ZNF221: variants seen among roughly 807,000 people sequenced by gnomAD.
ZNF221 encodes the protein zinc finger protein 221.
In ZNF221, 10 loss-of-function variants were observed where a neutral mutation model predicts 12.6. That is an observed-to-expected ratio of 0.79 (90% CI 0.49 to 1.34). The LOEUF is 1.34. Ranked by LOEUF, ZNF221 falls within the 40% of genes most tolerant of loss-of-function variation. The pLI is 0.00. For synonymous variants in ZNF221, 232 were observed against 244.0 expected, an observed-to-expected ratio of 0.95 and a Z score of 0.46; for missense variants, 661 against 721.4, an observed-to-expected ratio of 0.92 and a Z score of 0.96.
downstream of ZNF221, among the ~76,000 whole-genome samples, chr19:43,972,516 TAAAG>T (rs1465826854): frequency 1.3e-5 from 2 of 151,402 alleles, no homozygotes; most frequent in African/African-American, 2.4e-5. Context: ...ACTAGACTAA[TAAAG>T]AAGAAAAGAG....
At chr19:43,952,764 C>G (rs1021919158) in intron 1 of ZNF221, among the ~76,000 whole-genome samples, 2 of 152,196 alleles carry the variant, frequency 1.3e-5, no homozygotes, top group Non-Finnish European at 1.5e-5. Flanking sequence ...GAGCAAGGCT[C>G]ATGGGCTTGG....
chr19:43,979,585 A>G, the ZNF221 span, among the ~76,000 whole-genome samples: 4 of 151,948 alleles, frequency 2.6e-5, no homozygotes, highest in African/African-American at 7.3e-5. Context: ...AAGAAATTGC[A>G]CCTTTTAGTA....
rs752486634 is a variant in ZNF221, at chr19:43,967,151, A to G, written c.1649A>G (p.Asp550Gly). ...EKGYNSKFNL[D>G]MHQRVHGGER... ...GGGTACAACAGTAAATTTAATCTTG[A>G]CATGCACCAGAGGGTCCACGGGGGA... is the stretch of plus-strand genomic sequence containing the variant. The change falls in exon 5 of 5, where the codon GAC (aspartate) becomes GGC (glycine). Residue 550 changes from aspartate (D) to glycine (G), a missense_variant. Asp to Gly is a moderately conservative substitution (Grantham distance 94). Transcript: ENST00000587682. 3 of 1,593,778 alleles carry G rather than the reference A, an allele frequency of 1.9e-6. No individual in the cohort carries two copies. In the Admixed American group the frequency reaches 5.1e-5, roughly 27 times the overall value.
chr19:43,958,229 A>G (rs1456923359), intron 1 of ZNF221, among the ~76,000 whole-genome samples: 1 of 152,226 alleles, frequency 6.6e-6, no homozygotes, highest in African/African-American at 2.4e-5. Context: ...GAAACTTCTG[A>G]CATAACCATC....
downstream of ZNF221, among the ~76,000 whole-genome samples, chr19:43,970,934 T>A (rs1176061032): frequency 6.6e-6 from 1 of 152,104 alleles, no homozygotes; most frequent in African/African-American, 2.4e-5. Flanking sequence ...AGATACTCCA[T>A]GAGAAGATCA....
rs187018692 is a variant in ZNF221 at position 43,967,017 on chromosome 19, T to G, written c.1515T>G (p.Pro505=). ...AGAGACTCCACAGTGGGGAAAAACC[T>G]TTCAAATGTGAAGAGTGTGGAAAGA... ...KHQRLHSGEK[P]FKCEECGKRF... is the part of the protein sequence containing the mutation. Residue 505 remains proline, a synonymous_variant, in exon 5 of 5, where the codon CCT becomes CCG. Transcript: ENST00000587682. 93 of 1,607,202 alleles carry G rather than the reference T, an allele frequency of 5.8e-5. No homozygotes were observed. In the Admixed American group the frequency reaches 1.6e-3, roughly 27 times the overall value.
chr19:43,958,782 G>A lies in ZNF221; in HGVS notation c.-2-3943G>A, dbSNP rs576045404. 2.2e-4 allele frequency among the ~76,000 whole-genome samples: 34 copies of A among 152,272 alleles called. No homozygotes were observed. In the South Asian group the frequency reaches 6.4e-3, roughly 29 times the overall value. On this transcript the variant is annotated intron_variant, in intron 1 of 4. Transcript: ENST00000587682. ...AGTGTTTCCTTTTATTGGGAAGAAC[G>A]TATTTAACATTCTGCATTAGAGATG...
rs370296511 is a variant in ZNF221 at position 43,962,720 on chromosome 19, T to C, written c.-2-5T>C. 5 of 1,613,826 alleles carry C rather than the reference T, an allele frequency of 3.1e-6. No individual in the cohort carries two copies. In the African/African-American group the frequency reaches 5.3e-5, roughly 17 times the overall value. ...TGTTTTTCTGCCTTTCCTGGCACTT[T>C]CCAGGCATGATTTCACCTTCACTTG... On this transcript the variant is annotated splice_region_variant and splice_polypyrimidine_tract_variant and intron_variant, in intron 1 of 4. Transcript: ENST00000587682.
intron 2 of ZNF221, among the ~76,000 whole-genome samples, chr19:43,963,176 T>C (rs1242968886): frequency 6.6e-6 from 1 of 152,210 alleles, no homozygotes; most frequent in African/African-American, 2.4e-5. Flanking sequence ...TTATATAATG[T>C]TCCATTTTTA....
the ZNF221 span, among the ~76,000 whole-genome samples, chr19:43,981,353 C>T: frequency 6.6e-6 from 1 of 152,016 alleles, no homozygotes; most frequent in Admixed American, 6.6e-5. Flanking sequence ...GAAATGGTAC[C>T]AAAAAATTAA....
In ZNF221 at chr19:43,965,821, G is replaced by A; in HGVS notation, c.319G>A (p.Glu107Lys). The A allele has an allele frequency of 6.3e-7, 1 of 1,592,812 alleles. No individual in the cohort carries two copies. Among genetic ancestry groups the A allele is most frequent in the South Asian group, 1.1e-5 (1 of 88,992 alleles). The change falls in exon 5 of 5, where the codon GAG becomes AAG. Residue 107 changes from glutamate to lysine, a missense_variant. Coordinates refer to ENST00000587682, the MANE Select transcript of ZNF221 (RefSeq NM_001297588.2). The stretch of plus-strand genomic sequence containing the variant: ...CTTTTTAGGAGGCAAGATCCAAATT[G>A]AGATGGAGACTGTTCCAGAAGCAGG... ...EGNSGGKIQI[E>K]METVPEAGPH...
chr19:43,972,929 A>G, the ZNF221 span, among the ~76,000 whole-genome samples: 34 of 152,012 alleles, frequency 2.2e-4, no homozygotes, highest in Non-Finnish European at 4.4e-5. Context: ...TGATACCAAA[A>G]TCTGGCAGAG....
downstream of ZNF221, among the ~76,000 whole-genome samples, chr19:43,972,629 C>T (rs1975120354): frequency 2.0e-5 from 3 of 151,884 alleles, no homozygotes; most frequent in Admixed American, 2.0e-4. Context: ...CACCTCTCTG[C>T]ACATAAACTA....
the ZNF221 span, chr19:43,976,973 G>A: frequency 3.3e-5 from 5 of 152,288 alleles, no homozygotes; most frequent in South Asian, 1.0e-3. Context: ...GAAAGAACAA[G>A]TGTTCAACCA....
chr19:43,962,842 C>T (rs1221595065), intron 2 of ZNF221, 35 bp downstream of exon 2: 1 of 1,577,450 alleles, frequency 6.3e-7, no homozygotes, highest in East Asian at 2.2e-5. Flanking sequence ...TGTTAAAATT[C>T]CATCTTACTA....
intron 1 of ZNF221, among the ~76,000 whole-genome samples, chr19:43,956,853 A>C (rs956044414): frequency 6.6e-6 from 1 of 152,262 alleles, no homozygotes; most frequent in African/African-American, 2.4e-5. Context: ...TAAATAAGTC[A>C]AACAATTTAA....
chr19:43,964,804 G>A (rs907949531), intron 2 of ZNF221, 146 bp from the exon 3 acceptor site: 63 of 1,095,502 alleles, frequency 5.8e-5, no homozygotes, highest in Non-Finnish European at 7.1e-5. Context: ...GATATAGGCA[G>A]AATGAGTGGG....
chr19:43,978,302 T>G, the ZNF221 span: 2 of 152,188 alleles, frequency 1.3e-5, no homozygotes, highest in African/African-American at 4.8e-5. Context: ...CAAAGGCCAG[T>G]GTTGCAAACA....
intron 1 of ZNF221, chr19:43,960,479 T>G (rs2147337926): frequency 6.6e-6 from 1 of 152,328 alleles, no homozygotes; most frequent in African/African-American, 2.4e-5. Context: ...GAGATTTGCA[T>G]GACTAACAGA....
Sources: allele counts gnomAD v4.1 joint callset (sites outside exome capture counted in the v4.1 genomes callset), GRCh38; gene constraint gnomAD v4.1.1; transcripts MANE v1.5; gene names NCBI Gene and HGNC (gene_info 2026-07-23, HGNC 2026-07-21).